The following PTPRD variants were observed in gnomAD, a reference collection of about 807,000 sequenced individuals.
The protein encoded by PTPRD is protein tyrosine phosphatase receptor type D.
A neutral mutation model predicts 214.5 loss-of-function variants in PTPRD; 34 were observed. The observed-to-expected ratio is 0.16, with a 90% CI of 0.12 to 0.21. The LOEUF is 0.21. PTPRD is among the 10% of genes least tolerant of loss of function. The pLI is 1.00. For missense variants in PTPRD, 2,545 were observed against 2,398.7 expected, an observed-to-expected ratio of 1.06 and a Z score of -1.27; for synonymous variants, 1,128 against 845.7, an observed-to-expected ratio of 1.33 and a Z score of -5.79.
chr9:9,015,485 T>A (rs188235076), intron 11 of PTPRD, among the ~76,000 whole-genome samples: 1 of 152,156 alleles, frequency 6.6e-6, no homozygotes, highest in African/African-American at 2.4e-5. Flanking sequence ...GCATGAATAA[T>A]CCACTCCTTG....
chr9:8,812,714 C>T (rs931659134), intron 11 of PTPRD, among the ~76,000 whole-genome samples: 1 of 151,508 alleles, frequency 6.6e-6, no homozygotes, highest in African/African-American at 2.4e-5. Context: ...CTTACAAACT[C>T]TGGAGAGGAG....
At chr9:8,480,009 C>T (rs1274803782) in intron 30 of PTPRD, among the ~76,000 whole-genome samples, 1 of 152,174 alleles carries the variant, frequency 6.6e-6, no homozygotes, top group East Asian at 1.9e-4. Flanking sequence ...TTTCACAATA[C>T]CTGGCAGTAC....
chr9:10,051,746 C>T (rs951102563), intron 3 of PTPRD, among the ~76,000 whole-genome samples: 4 of 152,042 alleles, frequency 2.6e-5, no homozygotes, highest in Non-Finnish European at 4.4e-5. Context: ...CACCCTGTAC[C>T]CCTTTTCTGT....
intron 7 of PTPRD, among the ~76,000 whole-genome samples, chr9:9,650,681 G>C (rs2096316714): frequency 6.6e-6 from 1 of 151,888 alleles, no homozygotes; most frequent in East Asian, 1.9e-4. Context: ...ACGAGTACTA[G>C]GCTTAATACC....
chr9:9,496,445 A>G (rs979412416), intron 8 of PTPRD, among the ~76,000 whole-genome samples: 2 of 152,196 alleles, frequency 1.3e-5, no homozygotes, highest in African/African-American at 4.8e-5. Context: ...TAGGATACAC[A>G]AATGTCCAAT....
At chr9:9,434,000 C>G (rs2084213712) in intron 8 of PTPRD, among the ~76,000 whole-genome samples, 2 of 152,052 alleles carry the variant, frequency 1.3e-5, no homozygotes, top group African/African-American at 2.4e-5. Context: ...AAATAATTTG[C>G]CTAGACAAAG....
At chr9:10,196,894 T>C (rs112690562) in intron 3 of PTPRD, among the ~76,000 whole-genome samples, 7 of 152,064 alleles carry the variant, frequency 4.6e-5, no homozygotes, top group African/African-American at 1.4e-4. Context: ...TGAAAAGCAT[T>C]TTCACTTGCC....
rs577660820 is a variant in PTPRD at position 9,940,762 on chromosome 9, C to T, written c.-471-2152G>A. ...TTGATCATGTATTTTCAAACTTCTG[C>T]ACTTTCGTAAGGGTTGTTCCCTCCG... On this transcript the variant is annotated intron_variant, in intron 4 of 45. Coordinates refer to ENST00000381196, the MANE Select transcript of PTPRD (RefSeq NM_002839.4). Among the ~76,000 whole-genome samples the T allele has an allele frequency of 2.0e-5, 3 of 152,284 alleles. No individual in the cohort carries two copies. In the South Asian group the frequency reaches 6.2e-4, roughly 32 times the overall value.
intron 8 of PTPRD, among the ~76,000 whole-genome samples, chr9:9,445,311 G>A (rs1320312263): frequency 6.6e-6 from 1 of 152,114 alleles, no homozygotes; most frequent in South Asian, 2.1e-4. Context: ...AAGCTAGTCA[G>A]TTATGCATGC....
chr9:10,005,497 T>C (rs2096455125), intron 4 of PTPRD, among the ~76,000 whole-genome samples: 1 of 152,134 alleles, frequency 6.6e-6, no homozygotes, highest in Non-Finnish European at 1.5e-5. Context: ...CTGTTTTTTC[T>C]TTCTTTTTCA....
intron 3 of PTPRD, among the ~76,000 whole-genome samples, chr9:10,312,621 T>C (rs1241530290): frequency 6.6e-6 from 1 of 152,006 alleles, no homozygotes; most frequent in East Asian, 1.9e-4. Context: ...CATCTATGTT[T>C]GTGTAACTGA....
chr9:9,553,517 G>C (rs557994993), intron 8 of PTPRD, among the ~76,000 whole-genome samples: 1 of 151,474 alleles, frequency 6.6e-6, no homozygotes, highest in Non-Finnish European at 1.5e-5. Context: ...AGAAAAACTC[G>C]GATTTTTTTT....
chr9:9,662,251 A>G (rs1054874514), intron 7 of PTPRD, among the ~76,000 whole-genome samples: 42 of 151,628 alleles, frequency 2.8e-4, no homozygotes, highest in Admixed American at 2.5e-3. Context: ...TAACAAAACC[A>G]TTACCTAATT....
At chr9:9,704,203 A>C (rs1373679700) in intron 7 of PTPRD, among the ~76,000 whole-genome samples, 1 of 152,072 alleles carries the variant, frequency 6.6e-6, no homozygotes, top group African/African-American at 2.4e-5. Flanking sequence ...ATCTACATAC[A>C]TTTTAACGAA....
intron 12 of PTPRD, among the ~76,000 whole-genome samples, chr9:8,660,313 A>C (rs947744095): frequency 1.3e-5 from 2 of 152,146 alleles, no homozygotes; most frequent in Non-Finnish European, 2.9e-5. Flanking sequence ...TAAAGGTTAT[A>C]GGACTTGCAT....
intron 7 of PTPRD, among the ~76,000 whole-genome samples, chr9:9,593,297 AC>A (rs1426041475): frequency 1.3e-5 from 2 of 149,530 alleles, no homozygotes; most frequent in South Asian, 2.1e-4. Flanking sequence ...TGGAAACTTA[AC>A]TTTTTTTTTT....
At chr9:8,885,172 C>A (rs2098476676) in intron 11 of PTPRD, among the ~76,000 whole-genome samples, 2 of 151,996 alleles carry the variant, frequency 1.3e-5, no homozygotes, top group Non-Finnish European at 2.9e-5. Context: ...ATTTGGAGAC[C>A]CTACTCTTCT....
intron 11 of PTPRD, among the ~76,000 whole-genome samples, chr9:8,844,582 C>T (rs533008449): frequency 1.3e-5 from 2 of 152,112 alleles, no homozygotes; most frequent in Non-Finnish European, 2.9e-5. Flanking sequence ...ACCATCTGTA[C>T]AATAATCCAT....
intron 3 of PTPRD, among the ~76,000 whole-genome samples, chr9:10,259,865 T>C (rs1249112687): frequency 6.6e-6 from 1 of 152,160 alleles, no homozygotes; most frequent in Non-Finnish European, 1.5e-5. Context: ...GTCACACTTT[T>C]GAAGATGGCC....
Sources: allele counts gnomAD v4.1 joint callset (sites outside exome capture counted in the v4.1 genomes callset), GRCh38; gene constraint gnomAD v4.1.1; transcripts MANE v1.5; gene names NCBI Gene and HGNC (gene_info 2026-07-23, HGNC 2026-07-21).